The following ROBO1 variants were observed in gnomAD, a reference collection of about 807,000 sequenced individuals.
ROBO1 encodes the protein roundabout guidance receptor 1, also known as roundabout homolog 1.
In ROBO1, 149 loss-of-function variants were observed where a neutral mutation model predicts 195.9. The observed-to-expected ratio is 0.76, with a 90% CI of 0.67 to 0.87. The LOEUF (loss-of-function observed/expected upper bound fraction) is 0.87. ROBO1 is among the 40% of genes least tolerant of loss of function. The pLI is 0.00. For synonymous variants in ROBO1, 816 were observed against 733.2 expected, an observed-to-expected ratio of 1.11 and a Z score of -1.82; for missense variants, 1,933 against 2,068.3, an observed-to-expected ratio of 0.93 and a Z score of 1.27.
chr3:79,074,708 G>A (rs1218507514), intron 3 of ROBO1, among the ~76,000 whole-genome samples: 1 of 151,690 alleles, frequency 6.6e-6, no homozygotes, highest in Non-Finnish European at 1.5e-5. Context: ...GGATTACAGG[G>A]ATGGGCCATT....
At chr3:79,256,216 T>TA (rs1032062336) in intron 2 of ROBO1, among the ~76,000 whole-genome samples, 9 of 152,186 alleles carry the variant, frequency 5.9e-5, no homozygotes, top group African/African-American at 2.2e-4. Flanking sequence ...GAAGTCTGTG[T>TA]AAAAACCACA....
At chr3:79,441,347 C>T (rs2039047186) in intron 2 of ROBO1, among the ~76,000 whole-genome samples, 2 of 152,026 alleles carry the variant, frequency 1.3e-5, no homozygotes, top group Non-Finnish European at 2.9e-5. Context: ...GCATTCTGTC[C>T]TTTATTCTGA....
At chr3:78,901,659 G>A (rs2037596139) in intron 4 of ROBO1, among the ~76,000 whole-genome samples, 1 of 152,122 alleles carries the variant, frequency 6.6e-6, no homozygotes, top group Admixed American at 6.6e-5. Flanking sequence ...TCCCTAACAG[G>A]AGCGATTTAA....
chr3:79,291,120 C>A (rs186010381), intron 2 of ROBO1, among the ~76,000 whole-genome samples: 1 of 152,166 alleles, frequency 6.6e-6, no homozygotes, highest in African/African-American at 2.4e-5. Context: ...ATATTGATAA[C>A]TATTTTAATC....
chr3:79,009,678 T>C (rs146526032), intron 3 of ROBO1, among the ~76,000 whole-genome samples: 1 of 152,228 alleles, frequency 6.6e-6, no homozygotes, highest in Non-Finnish European at 1.5e-5. Flanking sequence ...TGTGAACCAA[T>C]GCTAAAGTCT....
intron 3 of ROBO1, among the ~76,000 whole-genome samples, chr3:78,991,561 A>G (rs753688029): frequency 1.3e-4 from 20 of 152,342 alleles, no homozygotes; most frequent in South Asian, 6.2e-4. Context: ...ACAAACTACC[A>G]GGTGAAACCT....
At chr3:78,977,590 A>AATAT (rs144619040) in intron 3 of ROBO1, among the ~76,000 whole-genome samples, 1 of 150,526 alleles carries the variant, frequency 6.6e-6, no homozygotes, top group African/African-American at 2.4e-5. Context: ...TCAAGCAGTC[A>AATAT]ATATATATAT....
chr3:79,314,736 G>T (rs920953877), intron 2 of ROBO1, among the ~76,000 whole-genome samples: 2 of 152,198 alleles, frequency 1.3e-5, no homozygotes, highest in Admixed American at 6.5e-5. Context: ...TAGCAGAGCA[G>T]CCCAGAAAAC....
intron 2 of ROBO1, among the ~76,000 whole-genome samples, chr3:79,348,882 C>T (rs973360086): frequency 6.6e-6 from 1 of 152,018 alleles, no homozygotes; most frequent in South Asian, 2.1e-4. Flanking sequence ...CCAAAATAGG[C>T]CTGATTATGA....
At chr3:78,843,681 T>G (rs1210570161) in intron 4 of ROBO1, among the ~76,000 whole-genome samples, 1 of 152,064 alleles carries the variant, frequency 6.6e-6, no homozygotes, top group Non-Finnish European at 1.5e-5. Context: ...AATGATACAA[T>G]ATACAATGCA....
chr3:78,888,823 C>A lies in ROBO1; in HGVS notation c.499+49778G>T, dbSNP rs796353297. ...AAACTGTGTAAGTCTTATAAAAATT[C>A]CCTCTAGTAGCTGTAAAATAGCTAG... On this transcript the variant is annotated intron_variant, in intron 4 of 30. Transcript: ENST00000464233. Among the ~76,000 whole-genome samples, 25 of 152,214 alleles carry A rather than the reference C, an allele frequency of 1.6e-4. 2 individuals are homozygous for A. The highest frequency in any genetic ancestry group is 5.8e-4 in the African/African-American group (24 of 41,548).
chr3:79,305,542 A>T (rs2033181240), intron 2 of ROBO1, among the ~76,000 whole-genome samples: 1 of 151,922 alleles, frequency 6.6e-6, no homozygotes, highest in African/African-American at 2.4e-5. Context: ...ACTTTTGAAA[A>T]AATCAATACA....
intron 2 of ROBO1, among the ~76,000 whole-genome samples, chr3:79,582,497 G>T (rs1455404141): frequency 2.0e-5 from 3 of 151,896 alleles, no homozygotes; most frequent in Admixed American, 6.6e-5. Context: ...CACCAAGATT[G>T]ACTATCTCAT....
intron 8 of ROBO1, among the ~76,000 whole-genome samples, chr3:78,702,873 T>C (rs1486499085): frequency 6.6e-6 from 1 of 152,204 alleles, no homozygotes; most frequent in Non-Finnish European, 1.5e-5. Flanking sequence ...TGTCATTATT[T>C]GTCACTGAAT....
chr3:79,284,006 A>C (rs1251706728), intron 2 of ROBO1, among the ~76,000 whole-genome samples: 1 of 151,888 alleles, frequency 6.6e-6, no homozygotes, highest in Admixed American at 6.6e-5. Context: ...CTATCCATGA[A>C]TTCTTAAAAA....
chr3:78,946,665 C>T (rs1304007029), intron 3 of ROBO1, among the ~76,000 whole-genome samples: 2 of 152,144 alleles, frequency 1.3e-5, no homozygotes, highest in African/African-American at 4.8e-5. Context: ...CAGATTCACA[C>T]ATAACAATAT....
intron 2 of ROBO1, among the ~76,000 whole-genome samples, chr3:79,271,106 GAAA>G: frequency 6.6e-6 from 1 of 151,910 alleles, no homozygotes; most frequent in South Asian, 2.1e-4. Flanking sequence ...AATGGAGGTA[GAAA>G]AGTAAGCTGT....
chr3:78,767,268 G>T (rs11712472), intron 4 of ROBO1, among the ~76,000 whole-genome samples: 36,583 of 150,634 alleles, frequency 0.24, 4,653 homozygotes, highest in East Asian at 0.49. Flanking sequence ...TTTTTTGTCG[G>T]TAATTTATTT....
chr3:79,682,998 A>G (rs77764654), intron 1 of ROBO1, among the ~76,000 whole-genome samples: 22,694 of 151,998 alleles, frequency 0.15, 2,175 homozygotes, highest in Middle Eastern at 0.21. Context: ...GGATATAGCA[A>G]TAGTTTTAGA....
Sources: gnomAD v4.1 joint callset for allele counts (sites outside exome capture counted in the v4.1 genomes callset) on GRCh38, gnomAD v4.1.1 for gene constraint, MANE v1.5 for transcripts, NCBI Gene and HGNC (gene_info 2026-07-23, HGNC 2026-07-21) for gene names.